Variants in GPM6A observed in about 807,000 individuals in gnomAD.
The protein encoded by GPM6A is neuronal membrane glycoprotein M6-a.
Under a neutral mutation model 32.1 loss-of-function variants are expected in GPM6A, and 7 were observed. That is an observed-to-expected ratio of 0.22 (90% CI 0.12 to 0.41). The LOEUF (loss-of-function observed/expected upper bound fraction) is 0.41, where lower values mean the gene tolerates loss of function less well. Ranked by LOEUF, GPM6A falls within the 10% of genes least tolerant of loss-of-function variation. The pLI is 1.00. For missense variants in GPM6A, 235 were observed against 347.2 expected (o/e 0.68, Z 2.57); for synonymous variants, 130 against 123.4 (o/e 1.05, Z -0.35).
chr4:175,863,470 A>G (rs1256497089), intron 1 of GPM6A, among the ~76,000 whole-genome samples: 3 of 151,452 alleles, frequency 2.0e-5, no homozygotes, highest in African/African-American at 4.8e-5. Context: ...CAATATGTTT[A>G]TCAATTCATT....
intron 1 of GPM6A, among the ~76,000 whole-genome samples, chr4:175,729,262 A>T (rs1489027688): frequency 6.6e-6 from 1 of 152,130 alleles, no homozygotes; most frequent in African/African-American, 2.4e-5. Context: ...TTCATTCTCC[A>T]AAGTGTTCCC....
At chr4:175,929,724 G>A (rs576714912) in intron 1 of GPM6A, among the ~76,000 whole-genome samples, 6 of 152,250 alleles carry the variant, frequency 3.9e-5, no homozygotes, top group South Asian at 2.1e-4. Context: ...TCCAATAGGT[G>A]TAAATATAAA....
intron 1 of GPM6A, among the ~76,000 whole-genome samples, chr4:175,774,620 A>G (rs115626240): frequency 0.02 from 3,070 of 152,188 alleles, 56 homozygotes; most frequent in Non-Finnish European, 0.031. Flanking sequence ...AAAATAAGTC[A>G]TGAATTTCAC....
intron 1 of GPM6A, among the ~76,000 whole-genome samples, chr4:175,845,635 C>T (rs1008867857): frequency 2.0e-5 from 3 of 151,972 alleles, no homozygotes; most frequent in African/African-American, 7.2e-5. Context: ...TTATCTTTCC[C>T]CTTTCCTCAC....
intron 1 of GPM6A, among the ~76,000 whole-genome samples, chr4:175,926,667 A>C (rs1297356904): frequency 6.6e-6 from 1 of 152,188 alleles, no homozygotes; most frequent in Admixed American, 6.5e-5. Flanking sequence ...TGAAATATTT[A>C]TTATTTTACA....
chr4:175,806,765 T>C (rs1413346886), intron 1 of GPM6A: 2 of 152,228 alleles, frequency 1.3e-5, no homozygotes. Flanking sequence ...AGGAGGACAC[T>C]TCAGGTTAAG....
intron 1 of GPM6A, among the ~76,000 whole-genome samples, chr4:175,789,650 T>C (rs761985092): frequency 1.3e-5 from 2 of 152,228 alleles, no homozygotes; most frequent in Admixed American, 6.5e-5. Context: ...AAATTTTGTC[T>C]TTATGTTAAC....
At chr4:175,814,812 T>G (rs1735048306), upstream of GPM6A, among the ~76,000 whole-genome samples, 1 of 152,124 alleles carries the variant, frequency 6.6e-6, no homozygotes, top group Non-Finnish European at 1.5e-5. Flanking sequence ...TGGGGTAAAA[T>G]ATAAAAGAAA....
Position 175,694,609 on chromosome 4 carries a change from C to T in GPM6A, c.230+6966G>A, listed in dbSNP as rs139620231. ...TGGCTGTTTCTAACAAGCTTGTGTT[C>T]ATATTCACAACCAAAGAAAGGACAT... is the stretch of plus-strand genomic sequence containing the variant. On this transcript the variant is annotated intron_variant, in intron 2 of 6. Transcript: ENST00000393658. Among the ~76,000 whole-genome samples the T allele has an allele frequency of 2.6e-5, 4 of 152,116 alleles. No homozygotes were observed. The East Asian group carries it at 7.7e-4, about 29-fold the overall frequency.
In GPM6A at chr4:175,742,414, A is replaced by C. The variant is rs62336029; in HGVS notation, c.38-40647T>G. 5.4e-3 allele frequency among the ~76,000 whole-genome samples: 817 copies of C among 152,322 alleles called. 3 individuals are homozygous for C. The highest frequency in any genetic ancestry group is 8.1e-3 in the Non-Finnish European group (553 of 68,026). ...TGAGATGCCACATACAGAATAGAGC[A>C]ATAATACATGGGCTTATCAGTGACT... On this transcript the variant is annotated intron_variant, in intron 1 of 6. Transcript: ENST00000393658.
intron 1 of GPM6A, among the ~76,000 whole-genome samples, chr4:175,944,021 T>G (rs1739508230): frequency 1.3e-5 from 2 of 152,176 alleles, no homozygotes; most frequent in Non-Finnish European, 2.9e-5. Context: ...GGGCTTTTTT[T>G]GGTTGGCAGG....
intron 1 of GPM6A, among the ~76,000 whole-genome samples, chr4:175,715,036 T>C (rs1745767900): frequency 6.6e-6 from 1 of 151,604 alleles, no homozygotes; most frequent in Non-Finnish European, 1.5e-5. Context: ...CATACACCTG[T>C]GGGGTTTTGA....
At chr4:175,656,621 T>C (rs1742100599) in intron 3 of GPM6A, among the ~76,000 whole-genome samples, 1 of 152,176 alleles carries the variant, frequency 6.6e-6, no homozygotes, top group Non-Finnish European at 1.5e-5. Context: ...TATTGCTTCT[T>C]GATTATGTAG....
At chr4:175,833,343 C>G (rs1287742755) in intron 1 of GPM6A, among the ~76,000 whole-genome samples, 1 of 152,084 alleles carries the variant, frequency 6.6e-6, no homozygotes, top group East Asian at 1.9e-4. Context: ...ACCCTTTGTC[C>G]CAGCTCCTCC....
intron 2 of GPM6A, among the ~76,000 whole-genome samples, chr4:175,694,519 A>G (rs1456514159): frequency 6.6e-6 from 1 of 152,190 alleles, no homozygotes; most frequent in Non-Finnish European, 1.5e-5. Flanking sequence ...TGCTCTAGAG[A>G]TCTAGATGAT....
intron 1 of GPM6A, among the ~76,000 whole-genome samples, chr4:175,933,873 A>T (rs193119377): frequency 1.3e-5 from 2 of 152,218 alleles, no homozygotes; most frequent in African/African-American, 4.8e-5. Flanking sequence ...GTCACAGAAT[A>T]GAAACAACTC....
chr4:175,655,939 A>C (rs1742059615), intron 3 of GPM6A, among the ~76,000 whole-genome samples: 1 of 152,120 alleles, frequency 6.6e-6, no homozygotes, highest in Non-Finnish European at 1.5e-5. Flanking sequence ...ATAAAAATGT[A>C]TTACTTTGTA....
intron 1 of GPM6A, among the ~76,000 whole-genome samples, chr4:175,768,804 G>A (rs985645425): frequency 6.6e-6 from 1 of 151,864 alleles, no homozygotes; most frequent in East Asian, 1.9e-4. Flanking sequence ...AGAAAATAAG[G>A]TACTATCCTG....
chr4:176,002,166 G>A, intron 1 of GPM6A: 3 of 920,246 alleles, frequency 3.3e-6, no homozygotes, highest in Non-Finnish European at 5.2e-6. Context: ...CAAGAGGGCG[G>A]GGGGCGGGGG....
Sources: gnomAD v4.1 joint callset for allele counts (sites outside exome capture counted in the v4.1 genomes callset) on GRCh38, gnomAD v4.1.1 for gene constraint, MANE v1.5 for transcripts, NCBI Gene and HGNC (gene_info 2026-07-23, HGNC 2026-07-21) for gene names.